CSMD3: variants seen among roughly 807,000 people sequenced by gnomAD.
CSMD3 encodes CUB and sushi domain-containing protein 3.
Under a neutral mutation model 435.2 loss-of-function variants are expected in CSMD3, and 177 were observed. The ratio of observed to expected loss-of-function variants is 0.41; its 90% CI spans 0.36 to 0.46. The LOEUF is 0.46. Ranked by LOEUF, CSMD3 falls within the 20% of genes least tolerant of loss-of-function variation. CSMD3 has a pLI of 0.34. For missense variants in CSMD3, 4,265 were observed against 4,504.6 expected (o/e 0.95, Z 1.52); for synonymous variants, 1,656 against 1,520.5 (o/e 1.09, Z -2.07).
At chr8:112,358,543 T>G (rs532138808) in intron 38 of CSMD3, among the ~76,000 whole-genome samples, 1 of 152,110 alleles carries the variant, frequency 6.6e-6, no homozygotes, top group Non-Finnish European at 1.5e-5. Flanking sequence ...ATGGAGCAAG[T>G]CTTTCCCATG....
intron 1 of CSMD3, among the ~76,000 whole-genome samples, chr8:113,343,314 A>G (rs1014831388): frequency 7.9e-5 from 12 of 151,842 alleles, no homozygotes; most frequent in African/African-American, 2.7e-4. Flanking sequence ...GGGAACTATA[A>G]AAAACTTAAA....
At chr8:112,704,768 T>C (rs919580359) in intron 13 of CSMD3, among the ~76,000 whole-genome samples, 2 of 152,146 alleles carry the variant, frequency 1.3e-5, no homozygotes, top group African/African-American at 4.8e-5. Flanking sequence ...AATTTACAAA[T>C]GTACGTACTT....
intron 27 of CSMD3, among the ~76,000 whole-genome samples, chr8:112,550,166 C>G (rs909243187): frequency 6.6e-6 from 1 of 151,888 alleles, no homozygotes; most frequent in Non-Finnish European, 1.5e-5. Context: ...ATTTCATTGT[C>G]ATATTATTGT....
chr8:112,795,320 A>G (rs946342037), intron 13 of CSMD3, among the ~76,000 whole-genome samples: 10 of 151,486 alleles, frequency 6.6e-5, no homozygotes, highest in African/African-American at 2.4e-4. Flanking sequence ...CCAGTACTGG[A>G]AAAAAAAACT....
intron 3 of CSMD3, among the ~76,000 whole-genome samples, chr8:113,183,245 C>G (rs1422028555): frequency 1.3e-5 from 2 of 151,990 alleles, no homozygotes; most frequent in African/African-American, 4.8e-5. Flanking sequence ...GAGCTTATAC[C>G]CTACCTCTGC....
chr8:112,416,246 T>A (rs1811900331), intron 32 of CSMD3, among the ~76,000 whole-genome samples: 1 of 152,010 alleles, frequency 6.6e-6, no homozygotes, highest in Admixed American at 6.6e-5. Flanking sequence ...TGAGTTCTTA[T>A]GAGATATGAT....
intron 27 of CSMD3, among the ~76,000 whole-genome samples, chr8:112,531,375 G>A (rs2131074121): frequency 6.6e-6 from 1 of 152,094 alleles, no homozygotes; most frequent in African/African-American, 2.4e-5. Flanking sequence ...GCAGCAGTCA[G>A]GCCATGATTA....
intron 38 of CSMD3, among the ~76,000 whole-genome samples, chr8:112,355,798 A>T (rs943735630): frequency 6.6e-6 from 1 of 152,068 alleles, no homozygotes; most frequent in South Asian, 2.1e-4. Flanking sequence ...GTGCCACTGC[A>T]CTCCAGCCTG....
chr8:112,859,967 A>G (rs2080777420), intron 10 of CSMD3, among the ~76,000 whole-genome samples: 1 of 151,838 alleles, frequency 6.6e-6, no homozygotes, highest in Non-Finnish European at 1.5e-5. Context: ...AATCCTGCCC[A>G]TATTATCATT....
At chr8:113,282,892 G>T (rs1236296072) in intron 2 of CSMD3, among the ~76,000 whole-genome samples, 1 of 151,998 alleles carries the variant, frequency 6.6e-6, no homozygotes, top group African/African-American at 2.4e-5. Context: ...TGGGCACATA[G>T]ACCAATGGAA....
intron 6 of CSMD3, among the ~76,000 whole-genome samples, chr8:113,000,769 T>C (rs1339425150): frequency 6.6e-6 from 1 of 152,024 alleles, no homozygotes; most frequent in African/African-American, 2.4e-5. Context: ...AAATGCTATC[T>C]TTCTGGGCTA....
At chr8:113,176,842 G>A in intron 3 of CSMD3, among the ~76,000 whole-genome samples, 1 of 151,042 alleles carries the variant, frequency 6.6e-6, no homozygotes, top group East Asian at 1.9e-4. Context: ...AAACCATCAT[G>A]GCACACTTTT....
At chr8:113,300,738 A>T (rs951220106) in intron 2 of CSMD3, among the ~76,000 whole-genome samples, 11 of 152,074 alleles carry the variant, frequency 7.2e-5, no homozygotes, top group African/African-American at 2.4e-4. Context: ...TATAAGTACT[A>T]TACTCAACAC....
At chr8:112,970,831 C>T (rs1419150590) in intron 7 of CSMD3, among the ~76,000 whole-genome samples, 1 of 151,832 alleles carries the variant, frequency 6.6e-6, no homozygotes, top group African/African-American at 2.4e-5. Context: ...ACGCTATTCT[C>T]CTGCCTCGGC....
intron 1 of CSMD3, 53 bp downstream of exon 1, chr8:113,436,618 CCATCTA>C (rs2094708113): frequency 1.4e-6 from 2 of 1,475,054 alleles, no homozygotes; most frequent in African/African-American, 1.4e-5. Context: ...CAGCCTCTCT[CCATCTA>C]CAAGTCAGCC....
chr8:112,358,977 G>A (rs2131102088), intron 38 of CSMD3, among the ~76,000 whole-genome samples: 1 of 152,150 alleles, frequency 6.6e-6, no homozygotes, highest in Non-Finnish European at 1.5e-5. Flanking sequence ...CATAGTAAAA[G>A]TAAATGGTTT....
At position 113,173,376 on chromosome 8, in the gene CSMD3, C is replaced by T. The variant is rs543911855; in HGVS notation, c.709+346G>A. Among the ~76,000 whole-genome samples, 37 of 152,146 alleles carry T rather than the reference C, an allele frequency of 2.4e-4. 1 individual carries two copies. The highest frequency in any genetic ancestry group is 4.7e-4 in the Non-Finnish European group (32 of 68,010). ...TTGCTCTGTTGCCTAGGCTGGGGTGCAGTGGCGCGATCTCAGCTCACTGCA... is the reference window on the plus strand; with the variant it reads ...TTGCTCTGTTGCCTAGGCTGGGGTGTAGTGGCGCGATCTCAGCTCACTGCA... On this transcript the variant is annotated intron_variant, in intron 4 of 70. Transcript: ENST00000297405.
intron 35 of CSMD3, among the ~76,000 whole-genome samples, chr8:112,403,868 T>G (rs1831544328): frequency 6.6e-6 from 1 of 152,188 alleles, no homozygotes; most frequent in Admixed American, 6.6e-5. Flanking sequence ...TCGTGGTTAT[T>G]TAGCTAAAAG....
At chr8:113,390,006 A>G (rs977990531) in intron 1 of CSMD3, among the ~76,000 whole-genome samples, 7 of 151,760 alleles carry the variant, frequency 4.6e-5, no homozygotes, top group African/African-American at 1.7e-4. Flanking sequence ...CCTAGACTCC[A>G]TTGTTATACT....
Sources: allele counts gnomAD v4.1 joint callset (sites outside exome capture counted in the v4.1 genomes callset), GRCh38; gene constraint gnomAD v4.1.1; transcripts MANE v1.5; gene names NCBI Gene and HGNC (gene_info 2026-07-23, HGNC 2026-07-21).